Variants in SNX31 observed in about 807,000 individuals in gnomAD.
SNX31 encodes the protein sorting nexin-31.
Under a neutral mutation model 65.4 loss-of-function variants are expected in SNX31, and 58 were observed. The ratio of observed to expected loss-of-function variants is 0.89; its 90% CI spans 0.72 to 1.10. The LOEUF (loss-of-function observed/expected upper bound fraction) is 1.10, where lower values mean the gene tolerates loss of function less well. SNX31 is among the 50% of genes least tolerant of loss of function. The pLI is 0.00. For synonymous variants in SNX31, 181 were observed against 190.1 expected, an observed-to-expected ratio of 0.95 and a Z score of 0.39; for missense variants, 523 against 529.7, an observed-to-expected ratio of 0.99 and a Z score of 0.12.
Position 100,578,331 on chromosome 8 carries a change from A to G in SNX31, c.1171-1256T>C, listed in dbSNP as rs1813217400. On this transcript the variant is annotated intron_variant, in intron 12 of 13. Coordinates refer to ENST00000311812, the MANE Select transcript of SNX31 (RefSeq NM_152628.4). This position sits in a 1 kb window ranked among gnomAD's most constrained non-coding sequence, Gnocchi z 4.7. ...ATAACTCAAGCAAGTTGCAGTATTT[A>G]TTTACCCTACAATTGTCAACGTCTC... Among the ~76,000 whole-genome samples the G allele has an allele frequency of 6.6e-6, 1 of 152,172 alleles. No homozygotes were observed. The highest frequency in any genetic ancestry group is 1.5e-5 in the Non-Finnish European group (1 of 68,022).
At position 100,576,755 on chromosome 8, in the gene SNX31, G is replaced by C. The variant is rs532271940; in HGVS notation, c.1227+264C>G. 2.1e-4 allele frequency among the ~76,000 whole-genome samples: 32 copies of C among 152,042 alleles called. No individual in the cohort carries two copies. The East Asian group carries it at 5.2e-3, about 25-fold the overall frequency. ...AGAGAGTTGCCTCCAAAAAGTGCAA[G>C]GGGTGTACAAAAAAATCACCAAATA... is the stretch of plus-strand genomic sequence containing the variant. On this transcript the variant is annotated intron_variant, in intron 13 of 13. Coordinates refer to ENST00000311812, the MANE Select transcript of SNX31 (RefSeq NM_152628.4). This position sits in a 1 kb window ranked among gnomAD's most constrained non-coding sequence, Gnocchi z 4.8.
At chr8:100,617,765 A>AC in intron 4 of SNX31, 35 bp from the exon 5 acceptor site, 2 of 1,288,196 alleles carry the variant, frequency 1.6e-6, no homozygotes, top group Middle Eastern at 2.7e-4. Flanking sequence ...AAATTTCCAC[A>AC]CCTTTTTTTT....
upstream of SNX31, among the ~76,000 whole-genome samples, chr8:100,652,685 C>A (rs181815817): frequency 6.6e-6 from 1 of 152,146 alleles, no homozygotes; most frequent in Non-Finnish European, 1.5e-5. Context: ...CTGGTACCCA[C>A]ACTCTTTTGG....
chr8:100,640,881 AG>A (rs1314535773), intron 2 of SNX31, among the ~76,000 whole-genome samples: 1 of 152,242 alleles, frequency 6.6e-6, no homozygotes, highest in Non-Finnish European at 1.5e-5. Context: ...TACACTGGCC[AG>A]GGTCCTGGAA....
chr8:100,638,458 T>C (rs988338921), intron 2 of SNX31, among the ~76,000 whole-genome samples: 13 of 152,234 alleles, frequency 8.5e-5, no homozygotes, highest in South Asian at 2.1e-4. Context: ...AAAAGTTCTA[T>C]TGGGAAACAT....
At chr8:100,600,051 C>T (rs73699411) in intron 9 of SNX31, among the ~76,000 whole-genome samples, 3,080 of 152,020 alleles carry the variant, frequency 0.02, 69 homozygotes, top group African/African-American at 0.06. Flanking sequence ...GTTAGCCAAA[C>T]GATAATATAA....
At chr8:100,592,898 A>G (rs1684886699) in intron 10 of SNX31, among the ~76,000 whole-genome samples, 1 of 152,248 alleles carries the variant, frequency 6.6e-6, no homozygotes, top group African/African-American at 2.4e-5. Context: ...CCATTAATAT[A>G]CGGGTCGGAG....
chr8:100,660,829 G>T lies in SNX31; in HGVS notation c.-58+2313C>A, dbSNP rs530023679. ...ATAATATTTGTAAAAGGGCTGCTTTGAGAGGTTCTACTCAGTATCGGGTTC... is the reference window on the plus strand; with the variant it reads ...ATAATATTTGTAAAAGGGCTGCTTTTAGAGGTTCTACTCAGTATCGGGTTC... On this transcript the variant is annotated intron_variant, in intron 1 of 5. Transcript: ENST00000520352. The surrounding 1 kb of genome is among the most constrained non-coding windows in gnomAD (Gnocchi z 4.1). 6.6e-6 allele frequency among the ~76,000 whole-genome samples: 1 copy of T among 152,284 alleles called. No homozygotes were observed. The highest frequency in any genetic ancestry group is 2.4e-5 in the African/African-American group (1 of 41,552).
chr8:100,630,325 AC>A lies in SNX31; in HGVS notation c.321+1del. ...GGCCCCATTAAAGAAGAGCAAGCTT[AC>A]CAGCTGCGCCAGTTTTAAAAACTCA... is the stretch of plus-strand genomic sequence containing the variant. On this transcript the variant is annotated splice_donor_variant, in intron 4 of 13. Transcript: ENST00000311812. LOFTEE classifies it high-confidence loss of function. This position sits in a 1 kb window ranked among gnomAD's most constrained non-coding sequence, Gnocchi z 5.3. 8 of 1,613,490 alleles carry A rather than the reference AC, an allele frequency of 5.0e-6. No homozygotes were observed. Among genetic ancestry groups the A allele is most frequent in the Non-Finnish European group, 6.8e-6 (8 of 1,179,772 alleles).
At chr8:100,636,481 C>T (rs183963148) in intron 2 of SNX31, among the ~76,000 whole-genome samples, 189 of 152,234 alleles carry the variant, frequency 1.2e-3, no homozygotes, top group African/African-American at 4.5e-3. Flanking sequence ...ACTTGAACGT[C>T]GCTAGTTTGG....
In SNX31 at chr8:100,617,716, G is replaced by A. The variant is rs372491159; in HGVS notation, c.336C>T (p.Ile112=). Reference sequence around the variant, plus strand: ...TGTCCAGATAAGCTTTCTTGGTGGCGATGTCAAATGTATTCTATAAGCAAA... The same window carrying A: ...TGTCCAGATAAGCTTTCTTGGTGGCAATGTCAAATGTATTCTATAAGCAAA... The part of the protein sequence containing the change: ...LKLAQLNTFD[I]ATKKAYLDIF... The change falls in exon 5 of 14, where the codon ATC becomes ATT. Residue 112 remains isoleucine (I), a synonymous_variant. Transcript: ENST00000311812. 52 of 1,611,032 alleles carry A rather than the reference G, an allele frequency of 3.2e-5. No homozygotes were observed. The highest frequency in any genetic ancestry group is 2.5e-4 in the African/African-American group (19 of 74,550).
intron 10 of SNX31, among the ~76,000 whole-genome samples, chr8:100,595,165 G>A (rs887365487): frequency 3.3e-4 from 50 of 152,148 alleles, no homozygotes; most frequent in Admixed American, 1.2e-3. Flanking sequence ...GTTTCCATAC[G>A]TTTCAAAGGG....
rs1814286696 is a variant in SNX31, at chr8:100,588,752, A to AGAAC, written c.1092+110_1092+113dup. ...ATTACGGTCCCGAACGAGAGTGCAT[A>AGAAC]GAACACTTTAGGGTCCTGCTCTAGT... On this transcript the variant is annotated intron_variant, in intron 11 of 13. Coordinates refer to ENST00000311812, the MANE Select transcript of SNX31 (RefSeq NM_152628.4). The surrounding 1 kb of genome is among the most constrained non-coding windows in gnomAD (Gnocchi z 4.8). The AGAAC allele has an allele frequency of 9.1e-6, 6 of 656,342 alleles. No homozygotes were observed. The highest frequency in any genetic ancestry group is 8.2e-5 in the East Asian group (3 of 36,584). The allele number at this position is 656,342 out of a possible 1,614,324, so 40.7% of individuals were successfully genotyped here. A position where few individuals can be genotyped will look rare whatever the true frequency, so the allele number is the denominator to read the frequency against.
intron 5 of SNX31, among the ~76,000 whole-genome samples, chr8:100,617,154 T>G (rs990832809): frequency 3.9e-5 from 6 of 152,160 alleles, no homozygotes; most frequent in African/African-American, 1.4e-4. Context: ...GCACCCAGAA[T>G]TAGCCCTGAT....
chr8:100,584,049 T>A, intron 12 of SNX31, 62 bp downstream of exon 12: 1 of 1,510,246 alleles, frequency 6.6e-7, no homozygotes, highest in African/African-American at 1.4e-5. Context: ...TAGTTTGGTC[T>A]CCAACTGTTG....
At chr8:100,589,228 G>T (rs964488109) in intron 10 of SNX31, among the ~76,000 whole-genome samples, 1 of 149,428 alleles carries the variant, frequency 6.7e-6, no homozygotes, top group Non-Finnish European at 1.5e-5. Context: ...TTGCACTAGG[G>T]AGACAGAGGT....
intron 2 of SNX31, among the ~76,000 whole-genome samples, chr8:100,643,011 C>T (rs893076297): frequency 1.3e-5 from 2 of 151,926 alleles, no homozygotes. Flanking sequence ...GCCAACATGG[C>T]AAAACCCCCT....
At position 100,573,926 on chromosome 8, in the gene SNX31, C is replaced by CTTTTTTTTTTTTTTTT. The variant is rs752425672; in HGVS notation, c.1261_1262insAAAAAAAAAAAAAAAA (p.Ser421LysfsTer9). ...GTCATCTTTAGCTATCTTAATCTTG[C>CTTTTTTTTTTTTTTTT]TTTTTCTTGATAGAAAACTAGAATA... On this transcript the variant is annotated frameshift_variant, in exon 14 of 14. Coordinates refer to ENST00000311812, the MANE Select transcript of SNX31 (RefSeq NM_152628.4). LOFTEE classifies it high-confidence loss of function. The CTTTTTTTTTTTTTTTT allele has an allele frequency of 1.3e-6, 2 of 1,586,892 alleles. No individual in the cohort carries two copies. Among genetic ancestry groups the CTTTTTTTTTTTTTTTT allele is most frequent in the Admixed American group, 1.8e-5 (1 of 54,280 alleles).
At chr8:100,655,175 G>A (rs1220010234) in intron 1 of SNX31, among the ~76,000 whole-genome samples, 1 of 152,162 alleles carries the variant, frequency 6.6e-6, no homozygotes, top group Non-Finnish European at 1.5e-5. Context: ...ACACAGGAGG[G>A]ACATTGACCC....
Sources: allele counts gnomAD v4.1 joint callset (sites outside exome capture counted in the v4.1 genomes callset), GRCh38; gene constraint gnomAD v4.1.1; non-coding constraint Gnocchi (gnomAD v3.1); transcripts MANE v1.5; gene names NCBI Gene and HGNC (gene_info 2026-07-23, HGNC 2026-07-21).